KLF12: variants seen among roughly 807,000 people sequenced by gnomAD.
KLF12 encodes the protein Krueppel-like factor 12.
KLF12 carries 9 observed loss-of-function variants against 37.8 expected under a neutral mutation model. The ratio of observed to expected loss-of-function variants is 0.24; its 90% confidence interval spans 0.14 to 0.42. The LOEUF (loss-of-function observed/expected upper bound fraction) is 0.42, where lower values mean the gene tolerates loss of function less well. Among genes scored for constraint, KLF12 ranks in the 10% least tolerant of loss-of-function variants. The probability of loss-of-function intolerance (pLI) is 1.00; values close to 1 mark genes in which losing one functional copy is unlikely to be tolerated. For synonymous variants in KLF12, 208 were observed against 202.1 expected, an observed-to-expected ratio of 1.03 and a Z score of -0.25; for missense variants, 411 against 516.0, an observed-to-expected ratio of 0.80 and a Z score of 1.97.
intron 5 of KLF12, among the ~76,000 whole-genome samples, chr13:73,784,811 C>T (rs778606122): frequency 3.4e-4 from 51 of 151,736 alleles, no homozygotes; most frequent in South Asian, 6.3e-4. Flanking sequence ...TTTGTTTTTG[C>T]ATTTTTTGTA....
chr13:74,149,435 ATTATC>A, the KLF12 span, among the ~76,000 whole-genome samples: 1 of 152,210 alleles, frequency 6.6e-6, no homozygotes, highest in South Asian at 2.1e-4. Flanking sequence ...AAAGCTTAGT[ATTATC>A]TTTGATTCAT....
chr13:73,913,801 T>C (rs1888687552), intron 3 of KLF12, among the ~76,000 whole-genome samples: 2 of 152,242 alleles, frequency 1.3e-5, no homozygotes. Flanking sequence ...TCAGCTTTTA[T>C]TATTTGAAGT....
chr13:73,821,754 G>A (rs2138507135), intron 4 of KLF12, among the ~76,000 whole-genome samples: 1 of 152,206 alleles, frequency 6.6e-6, no homozygotes, highest in South Asian at 2.1e-4. Flanking sequence ...GCAATGATGA[G>A]TCTTATCCCC....
intron 4 of KLF12, among the ~76,000 whole-genome samples, chr13:73,832,644 G>C (rs1017323858): frequency 4.6e-5 from 7 of 152,216 alleles, no homozygotes; most frequent in Admixed American, 3.9e-4. Context: ...GAGAACTGAG[G>C]AGGAAAACCA....
the KLF12 span, among the ~76,000 whole-genome samples, chr13:74,221,238 C>T: frequency 3.3e-5 from 5 of 152,146 alleles, no homozygotes; most frequent in Non-Finnish European, 7.4e-5. Context: ...GATCTCCTGA[C>T]CTCGTCATCC....
intron 3 of KLF12, among the ~76,000 whole-genome samples, chr13:73,888,839 T>C (rs976551901): frequency 6.6e-6 from 1 of 152,220 alleles, no homozygotes; most frequent in Admixed American, 6.5e-5. Flanking sequence ...CTTCCTTTAT[T>C]GTCAAAAAGC....
chr13:73,693,173 C>T lies in KLF12; in HGVS notation c.*2317G>A, dbSNP rs1158984261. On this transcript the variant is annotated 3_prime_UTR_variant, in exon 8 of 8. Transcript: ENST00000377669. ...TGCCAACTAGGTGCTGGTACTAGTGCCAGGGGGTTCATGGCTGTGTTTGTC... is the reference window on the plus strand; with the variant it reads ...TGCCAACTAGGTGCTGGTACTAGTGTCAGGGGGTTCATGGCTGTGTTTGTC... The T allele has an allele frequency of 2.0e-5, 3 of 152,184 alleles. No homozygotes were observed. Among genetic ancestry groups the T allele is most frequent in the Non-Finnish European group, 4.4e-5 (3 of 68,062 alleles). The allele number at this position is 152,184 out of a possible 1,614,324, so 9.4% of individuals were successfully genotyped here.
intron 6 of KLF12, among the ~76,000 whole-genome samples, chr13:73,741,300 A>G (rs1005177206): frequency 6.6e-6 from 1 of 152,132 alleles, no homozygotes; most frequent in Non-Finnish European, 1.5e-5. Context: ...TGCCGCCCCC[A>G]TACAAGGGAG....
chr13:73,774,639 A>C (rs1478907324), intron 5 of KLF12, among the ~76,000 whole-genome samples: 1 of 152,162 alleles, frequency 6.6e-6, no homozygotes, highest in Non-Finnish European at 1.5e-5. Flanking sequence ...ACATTAGAAA[A>C]ATTGGGTGAA....
At chr13:73,849,006 T>A (rs2138708233) in intron 3 of KLF12, among the ~76,000 whole-genome samples, 1 of 152,234 alleles carries the variant, frequency 6.6e-6, no homozygotes, top group East Asian at 1.9e-4. Flanking sequence ...CCGACACTAA[T>A]CTCTTATGCA....
At chr13:73,837,736 C>CCAT (rs1273254440) in intron 4 of KLF12, among the ~76,000 whole-genome samples, 2 of 152,124 alleles carry the variant, frequency 1.3e-5, no homozygotes, top group Non-Finnish European at 2.9e-5. Context: ...AAAGTAAAGA[C>CCAT]CATAAGTAAC....
At chr13:74,071,556 G>C (rs112177440) in intron 1 of KLF12, among the ~76,000 whole-genome samples, 3 of 151,826 alleles carry the variant, frequency 2.0e-5, no homozygotes, top group African/African-American at 7.3e-5. Flanking sequence ...AGCCGGGCGT[G>C]GTGGCAGGCG....
At chr13:74,265,905 C>T in the KLF12 span, among the ~76,000 whole-genome samples, 1 of 152,224 alleles carries the variant, frequency 6.6e-6, no homozygotes, top group Non-Finnish European at 1.5e-5. Flanking sequence ...ATTAGTGCTA[C>T]CATCAATGAC....
In KLF12 at chr13:74,018,303, C is replaced by G. The variant is rs540848894; in HGVS notation, c.-31-23250G>C. 4.7e-4 allele frequency among the ~76,000 whole-genome samples: 71 copies of G among 152,212 alleles called. 1 individual carries two copies. In the South Asian group the frequency reaches 0.014, roughly 30 times the overall value. ...AGAGCAGAATGGTGGTTACCAGAAG[C>G]TGGAGTAGTTGGGGAGATGTTGGTC... On this transcript the variant is annotated intron_variant, in intron 1 of 7. Transcript: ENST00000377669.
intron 3 of KLF12, among the ~76,000 whole-genome samples, chr13:73,853,209 A>G (rs150844694): frequency 2.0e-5 from 3 of 152,306 alleles, no homozygotes; most frequent in Non-Finnish European, 4.4e-5. Context: ...AACCTTTAAA[A>G]TGTGTTCAAT....
chr13:73,896,818 A>AT (rs1259997210), intron 3 of KLF12, among the ~76,000 whole-genome samples: 2 of 152,186 alleles, frequency 1.3e-5, no homozygotes, highest in Non-Finnish European at 2.9e-5. Flanking sequence ...ACAAAGCCAT[A>AT]TAATACAATG....
At chr13:74,282,856 TC>T in the KLF12 span, among the ~76,000 whole-genome samples, 2 of 152,008 alleles carry the variant, frequency 1.3e-5, no homozygotes, top group South Asian at 4.2e-4. Context: ...AGTCTCAGTT[TC>T]CCCCCCTGGT....
the KLF12 span, among the ~76,000 whole-genome samples, chr13:74,175,152 C>G: frequency 6.6e-6 from 1 of 152,198 alleles, no homozygotes. Context: ...TACCATTGCA[C>G]ATTCAGATCC....
chr13:74,094,774 A>C (rs1674089177), intron 1 of KLF12, among the ~76,000 whole-genome samples: 1 of 151,762 alleles, frequency 6.6e-6, no homozygotes, highest in African/African-American at 2.4e-5. Context: ...TAATTTTTGT[A>C]TTTTTAGTAG....
Sources: gnomAD v4.1 joint callset for allele counts (sites outside exome capture counted in the v4.1 genomes callset) on GRCh38, gnomAD v4.1.1 for gene constraint, MANE v1.5 for transcripts, NCBI Gene and HGNC (gene_info 2026-07-23, HGNC 2026-07-21) for gene names.